Variants in AFF1 observed in about 807,000 individuals in gnomAD.
AFF1 encodes the protein ALF transcription elongation factor 1, also known as AF4/FMR2 family member 1.
AFF1 carries 48 observed loss-of-function variants against 121.7 expected under a neutral mutation model. The observed-to-expected ratio is 0.39, with a 90% CI of 0.31 to 0.50. The LOEUF (loss-of-function observed/expected upper bound fraction) is 0.50. AFF1 is among the 20% of genes least tolerant of loss of function. The pLI, the probability that AFF1 is intolerant of heterozygous loss-of-function variation, is 0.76. For missense variants in AFF1, 1,523 were observed against 1,511.7 expected, an observed-to-expected ratio of 1.01 and a Z score of -0.12; for synonymous variants, 613 against 563.0, an observed-to-expected ratio of 1.09 and a Z score of -1.26.
intron 5 of AFF1, 103 bp downstream of exon 5, chr4:87,084,267 G>A (rs1418358225): frequency 6.8e-5 from 85 of 1,248,616 alleles, no homozygotes; most frequent in African/African-American, 1.0e-4. Context: ...GGCTGGGTGC[G>A]GTGGCTCATG....
chr4:87,033,758 T>TCA (rs1729286838), intron 2 of AFF1, among the ~76,000 whole-genome samples: 1 of 152,208 alleles, frequency 6.6e-6, no homozygotes, highest in East Asian at 1.9e-4. Context: ...GAAAATTTGA[T>TCA]GTTTTAATCA....
intron 11 of AFF1, among the ~76,000 whole-genome samples, 170 bp from the exon 12 acceptor site, chr4:87,114,196 AG>A (rs1726837107): frequency 6.6e-6 from 1 of 152,220 alleles, no homozygotes; most frequent in Admixed American, 6.5e-5. Context: ...TTGCTTTAAG[AG>A]TTAATTGTTA....
At chr4:86,992,676 G>A (rs1485809135) in intron 2 of AFF1, among the ~76,000 whole-genome samples, 3 of 152,174 alleles carry the variant, frequency 2.0e-5, no homozygotes, top group African/African-American at 7.2e-5. Context: ...AATTGTATTA[G>A]CAAGGGAAGA....
At chr4:87,000,794 G>A (rs34912322) in intron 2 of AFF1, among the ~76,000 whole-genome samples, 14 of 152,126 alleles carry the variant, frequency 9.2e-5, no homozygotes, top group African/African-American at 3.4e-4. Context: ...GAAAACTGTA[G>A]ACCAGATCAG....
chr4:87,097,940 G>A (rs1312010880), intron 8 of AFF1, among the ~76,000 whole-genome samples: 3 of 152,186 alleles, frequency 2.0e-5, no homozygotes, highest in Admixed American at 6.5e-5. Context: ...TCTTTGACAT[G>A]CAGTTAAGCT....
chr4:86,955,751 G>A (rs1259976061), intron 2 of AFF1, among the ~76,000 whole-genome samples: 1 of 152,066 alleles, frequency 6.6e-6, no homozygotes, highest in Non-Finnish European at 1.5e-5. Context: ...ATTCAGAGTG[G>A]GTACTGAAGT....
At chr4:87,049,630 C>G (rs796956826) in intron 4 of AFF1, 9 of 456,110 alleles carry the variant, frequency 2.0e-5, no homozygotes, top group African/African-American at 1.6e-4. Flanking sequence ...AGAAGTAAAC[C>G]TTTCATCTGC....
chr4:86,993,162 A>ATTCT (rs1204821471), intron 2 of AFF1, among the ~76,000 whole-genome samples: 1 of 152,192 alleles, frequency 6.6e-6, no homozygotes, highest in Non-Finnish European at 1.5e-5. Flanking sequence ...GGAAGGTAAA[A>ATTCT]TCCATACCTC....
chr4:86,944,716 G>C (rs1222266277), intron 1 of AFF1, among the ~76,000 whole-genome samples: 2 of 152,176 alleles, frequency 1.3e-5, no homozygotes, highest in Non-Finnish European at 2.9e-5. Context: ...AGGTTCCCCA[G>C]AGTGTACTAG....
At chr4:87,007,980 A>G (rs1726338363) in intron 2 of AFF1, among the ~76,000 whole-genome samples, 1 of 152,106 alleles carries the variant, frequency 6.6e-6, no homozygotes, top group Non-Finnish European at 1.5e-5. Flanking sequence ...GGTGAAGGGG[A>G]GAGAGGATAA....
In AFF1 at chr4:87,138,568, T is replaced by G. The variant is rs76684653; in HGVS notation, c.*2867T>G. Reference sequence around the variant, plus strand: ...ACACTGTTTTATTTTTTAAAGTGTTTAATGTTTCTGTCCTTTCTGTGAATT... The same window carrying G: ...ACACTGTTTTATTTTTTAAAGTGTTGAATGTTTCTGTCCTTTCTGTGAATT... On this transcript the variant is annotated 3_prime_UTR_variant, in exon 21 of 21. Transcript: ENST00000395146. 40 of 232,482 alleles carry G rather than the reference T, an allele frequency of 1.7e-4. No homozygotes were observed. In the East Asian group the frequency reaches 2.4e-3, roughly 14 times the overall value. The allele number at this position is 232,482 out of a possible 1,614,324, so 14.4% of individuals were successfully genotyped here.
chr4:87,009,600 T>C (rs1263231510), intron 2 of AFF1, among the ~76,000 whole-genome samples: 1 of 152,202 alleles, frequency 6.6e-6, no homozygotes, highest in Admixed American at 6.5e-5. Flanking sequence ...TGGGAGTATA[T>C]CTCACATTTT....
chr4:87,040,459 C>A (rs1360643676), intron 2 of AFF1, among the ~76,000 whole-genome samples: 3 of 152,156 alleles, frequency 2.0e-5, no homozygotes, highest in Non-Finnish European at 4.4e-5. Context: ...TTTAACGCAG[C>A]CTGACAGCTT....
chr4:87,009,280 G>C (rs1726483746), intron 2 of AFF1, among the ~76,000 whole-genome samples: 1 of 152,214 alleles, frequency 6.6e-6, no homozygotes, highest in Non-Finnish European at 1.5e-5. Flanking sequence ...GGTCACAAAG[G>C]TGGAGCAACG....
intron 4 of AFF1, among the ~76,000 whole-genome samples, chr4:87,051,710 C>T (rs538136744): frequency 4.6e-5 from 7 of 152,054 alleles, no homozygotes; most frequent in South Asian, 4.2e-4. Context: ...CTTCATGATC[C>T]GCCCACCTCA....
intron 2 of AFF1, among the ~76,000 whole-genome samples, chr4:87,041,017 A>C (rs1348383063): frequency 1.3e-5 from 2 of 151,400 alleles, no homozygotes; most frequent in African/African-American, 2.4e-5. Context: ...CTGGGATTAC[A>C]GGTGTGCGCC....
In AFF1 at chr4:87,046,972, G is replaced by A. The variant is rs746415345; in HGVS notation, c.437G>A (p.Arg146Lys). The A allele has an allele frequency of 5.0e-6, 8 of 1,614,190 alleles. No homozygotes were observed. The South Asian group carries it at 8.8e-5, about 18-fold the overall frequency. ...ISHNPKMAQP[R>K]TEPMPSLHAK... ...CACAATCCAAAGATGGCGCAGCCAA[G>A]AACTGAACCAATGCCAAGTCTCCAT... Residue 146 changes from arginine to lysine, a missense_variant, in exon 4 of 21, where the codon AGA (arginine) becomes AAA (lysine). Physicochemically the swap from Arg to Lys is conservative, Grantham distance 26. Around this residue, in one of 5 missense-constraint regions of AFF1, gnomAD observed 369 missense variants for 367.2 expected, o/e 1.00. Coordinates refer to ENST00000395146, the MANE Select transcript of AFF1 (RefSeq NM_001166693.3).
chr4:87,061,626 G>A (rs929003522), intron 4 of AFF1, among the ~76,000 whole-genome samples: 7 of 152,168 alleles, frequency 4.6e-5, no homozygotes, highest in African/African-American at 7.2e-5. Context: ...GTCTTACAGC[G>A]CAATCCTGTT....
chr4:86,945,920 T>G (rs1356077684), intron 1 of AFF1, among the ~76,000 whole-genome samples: 1 of 152,218 alleles, frequency 6.6e-6, no homozygotes, highest in Non-Finnish European at 1.5e-5. Flanking sequence ...AACAGTTTGG[T>G]ATATGCTATT....
Sources: gnomAD v4.1 joint callset for allele counts (sites outside exome capture counted in the v4.1 genomes callset) on GRCh38, gnomAD v4.1.1 for gene constraint, gnomAD v4.1.1 regional missense constraint, MANE v1.5 for transcripts, NCBI Gene and HGNC (gene_info 2026-07-23, HGNC 2026-07-21) for gene names.